Variants in MPRIP observed in about 807,000 individuals in gnomAD.
MPRIP encodes myosin phosphatase Rho interacting protein.
In MPRIP, 59 loss-of-function variants were observed where a neutral mutation model predicts 234.9. The ratio of observed to expected loss-of-function variants is 0.25; its 90% confidence interval spans 0.20 to 0.31. The LOEUF is 0.31. Ranked by LOEUF, MPRIP falls within the 10% of genes least tolerant of loss-of-function variation. MPRIP has a pLI of 1.00. For synonymous variants in MPRIP, 1,144 were observed against 1,263.9 expected (o/e 0.91, Z 2.01); for missense variants, 2,436 against 3,071.0 (o/e 0.79, Z 4.89).
At chr17:17,100,135 AG>A (rs1480738373) in intron 3 of MPRIP, among the ~76,000 whole-genome samples, 1 of 152,172 alleles carries the variant, frequency 6.6e-6, no homozygotes, top group African/African-American at 2.4e-5. Flanking sequence ...GTTGAATAGA[AG>A]GGTACAGATT....
At chr17:17,098,998 G>A (rs761028355) in intron 3 of MPRIP, among the ~76,000 whole-genome samples, 5 of 152,280 alleles carry the variant, frequency 3.3e-5, no homozygotes, top group Non-Finnish European at 7.4e-5. Flanking sequence ...TGAAGAATAC[G>A]CAAGGATCTG....
intron 22 of MPRIP, chr17:17,179,651 G>T (rs868357434): frequency 1.0e-5 from 2 of 193,086 alleles, no homozygotes; most frequent in Middle Eastern, 2.0e-3. Flanking sequence ...GAGGAAGGTA[G>T]AGAATCATGG....
Position 17,078,454 on chromosome 17 carries a change from C to T in MPRIP, c.267+378C>T, listed in dbSNP as rs1359914086. Among the ~76,000 whole-genome samples, 1 of 152,222 alleles carries T rather than the reference C, an allele frequency of 6.6e-6. No individual in the cohort carries two copies. The highest frequency in any genetic ancestry group is 1.9e-4 in the East Asian group (1 of 5,184). ...GCAGGGGCTGGCCCTGGGGCTGGCA[C>T]ATGTGCTCACGCACCTAGTCCTGGG... On this transcript the variant is annotated intron_variant, in intron 3 of 23. Transcript: ENST00000651222. The surrounding 1 kb of genome is among the most constrained non-coding windows in gnomAD (Gnocchi z 4.3).
chr17:17,054,048 A>T (rs1352963553), intron 1 of MPRIP, among the ~76,000 whole-genome samples: 2 of 152,266 alleles, frequency 1.3e-5, no homozygotes, highest in African/African-American at 2.4e-5. Flanking sequence ...TTCAGGTTAT[A>T]AAAATTAACC....
At chr17:17,072,915 CT>C (rs999298195) in intron 1 of MPRIP, among the ~76,000 whole-genome samples, 4 of 151,952 alleles carry the variant, frequency 2.6e-5, no homozygotes, top group East Asian at 1.9e-4. Context: ...ACCTTCAGGG[CT>C]TTTTTTTAAT....
intron 1 of MPRIP, among the ~76,000 whole-genome samples, chr17:17,067,814 T>TTA (rs1555563270): frequency 2.8e-5 from 4 of 141,978 alleles, no homozygotes; most frequent in Admixed American, 6.9e-5. Flanking sequence ...TTTTTTTTTT[T>TTA]AACAATTATA....
At chr17:17,055,552 G>C (rs1449832695) in intron 1 of MPRIP, among the ~76,000 whole-genome samples, 2 of 152,142 alleles carry the variant, frequency 1.3e-5, no homozygotes, top group African/African-American at 4.8e-5. Flanking sequence ...CACCCTTGCA[G>C]GGAAAGGCAC....
intron 22 of MPRIP, chr17:17,178,560 A>AG: frequency 6.6e-6 from 1 of 152,146 alleles, no homozygotes; most frequent in East Asian, 1.9e-4. Flanking sequence ...TCCTGCGAGT[A>AG]GGGGATCACC....
In MPRIP at chr17:17,176,507, C is replaced by T; in HGVS notation, c.6952C>T (p.Leu2318=). The T allele has an allele frequency of 1.9e-6, 3 of 1,613,704 alleles. No homozygotes were observed. The highest frequency in any genetic ancestry group is 2.5e-6 in the Non-Finnish European group (3 of 1,179,690). ...SSLKDELQTA[L]RDKKYASDKY... ...CCTCAAGGATGAGCTGCAGACGGCA[C>T]TGCGGGTAAGGCCACCGCACCACAG... Residue 2318 remains leucine (L), a synonymous_variant, in exon 21 of 24, where the codon CTG becomes TTG. Coordinates refer to ENST00000651222, the MANE Select transcript of MPRIP (RefSeq NM_001364716.4).
chr17:17,120,200 G>C (rs746462857), intron 3 of MPRIP, among the ~76,000 whole-genome samples: 1 of 152,192 alleles, frequency 6.6e-6, no homozygotes, highest in Non-Finnish European at 1.5e-5. Context: ...ACGCCAAACA[G>C]CCTCTCACCA....
chr17:17,145,946 G>T, intron 9 of MPRIP, 90 bp from the exon 10 acceptor site: 1 of 1,259,884 alleles, frequency 7.9e-7, no homozygotes, highest in Non-Finnish European at 1.1e-6. Flanking sequence ...CCTGGTACCC[G>T]CCTCATCTGG....
In MPRIP at chr17:17,167,518, A is replaced by T. The variant is rs1256034252; in HGVS notation, c.5927A>T (p.Gln1976Leu). 1.5e-6 allele frequency: 2 copies of T among 1,304,204 alleles called. No homozygotes were observed. The highest frequency in any genetic ancestry group is 4.6e-5 in the Admixed American group (2 of 43,568). 80.8% of individuals were successfully genotyped at this position (1,304,204 alleles called of 1,614,324 possible). A position where few individuals can be genotyped will look rare whatever the true frequency, so the allele number is the denominator to read the frequency against. ...GCTGAGCGCAGCCGGGTCCTGAGCC[A>T]GCTGGATGCCTCGGTCAGAGACAGG... is the stretch of plus-strand genomic sequence containing the variant. ...LQAERSRVLS[Q>L]LDASVRDRQD... Residue 1976 changes from glutamine to leucine, a missense_variant, in exon 16 of 24, where the codon CAG (glutamine) becomes CTG (leucine). Physicochemically the swap from Gln to Leu is moderately radical, Grantham distance 113. Around this residue, in one of 4 missense-constraint regions of MPRIP, gnomAD observed 1,998 missense variants for 2,520.3 expected, o/e 0.79. Transcript: ENST00000651222. This position sits in a 1 kb window ranked among gnomAD's most constrained non-coding sequence, Gnocchi z 5.9.
At chr17:17,068,307 C>T (rs11652756) in intron 1 of MPRIP, among the ~76,000 whole-genome samples, 13,495 of 151,982 alleles carry the variant, frequency 0.089, 865 homozygotes, top group East Asian at 0.16. Flanking sequence ...TGCTCCACTA[C>T]GCCCGGCTAA....
At chr17:17,137,586 G>GTGGTGGGGGTC in intron 6 of MPRIP, among the ~76,000 whole-genome samples, 1 of 152,252 alleles carries the variant, frequency 6.6e-6, no homozygotes, top group African/African-American at 2.4e-5. Flanking sequence ...GAAGCGGTTG[G>GTGGTGGGGGTC]TGGTGGGGGT....
intron 1 of MPRIP, among the ~76,000 whole-genome samples, chr17:17,049,158 A>T (rs2088452316): frequency 1.3e-5 from 2 of 152,314 alleles, no homozygotes; most frequent in South Asian, 2.1e-4. Context: ...CAGAAAGCAG[A>T]TCGGTTGTTG....
chr17:17,072,033 G>A (rs1426083603), intron 1 of MPRIP, among the ~76,000 whole-genome samples: 1 of 152,234 alleles, frequency 6.6e-6, no homozygotes, highest in Non-Finnish European at 1.5e-5. Context: ...TAGTGTCCCA[G>A]TTTCAGATTA....
chr17:17,105,951 C>G (rs532162001), intron 3 of MPRIP, among the ~76,000 whole-genome samples: 2 of 152,194 alleles, frequency 1.3e-5, no homozygotes, highest in Non-Finnish European at 2.9e-5. Flanking sequence ...TTTATTGTGG[C>G]AAGCCGTAAG....
chr17:17,140,998 C>T (rs1038814489), intron 7 of MPRIP, among the ~76,000 whole-genome samples: 3 of 152,192 alleles, frequency 2.0e-5, no homozygotes, highest in Non-Finnish European at 4.4e-5. Context: ...TAGATCAGGG[C>T]AGCCAGTGTG....
At position 17,165,475 on chromosome 17, in the gene MPRIP, T is replaced by C. The variant is rs1169845432; in HGVS notation, c.3884T>C (p.Val1295Ala). The change falls in exon 16 of 24, where the codon GTG becomes GCG. Residue 1295 changes from valine (V) to alanine (A), a missense_variant. This residue lies in a region of MPRIP where 1,998 missense variants were observed against 2,520.3 expected (regional missense o/e 0.79). Transcript: ENST00000651222. The part of the protein sequence containing the change: ...REDSMVPPKS[V>A]EVLDREGHQQ... ...GACAGCATGGTGCCCCCAAAGTCAG[T>C]GGAAGTGCTTGACAGGGAGGGCCAT... 2.3e-6 allele frequency: 3 copies of C among 1,304,022 alleles called. No homozygotes were observed. The African/African-American group carries it at 4.6e-5, about 20-fold the overall frequency. 80.8% of individuals were successfully genotyped at this position (1,304,022 alleles called of 1,614,324 possible).
Sources: gnomAD v4.1 joint callset for allele counts (sites outside exome capture counted in the v4.1 genomes callset) on GRCh38, gnomAD v4.1.1 for gene constraint, gnomAD v4.1.1 regional missense constraint, Gnocchi (gnomAD v3.1) non-coding constraint, MANE v1.5 for transcripts, NCBI Gene and HGNC (gene_info 2026-07-23, HGNC 2026-07-21) for gene names.